The following DPF3 variants were observed in gnomAD, a reference collection of about 807,000 sequenced individuals.
DPF3 encodes zinc finger protein DPF3.
DPF3 carries 18 observed loss-of-function variants against 56.8 expected under a neutral mutation model. The ratio of observed to expected loss-of-function variants is 0.32; its 90% CI spans 0.22 to 0.47. The LOEUF (loss-of-function observed/expected upper bound fraction) is 0.47. Ranked by LOEUF, DPF3 falls within the 20% of genes least tolerant of loss-of-function variation. The probability of loss-of-function intolerance (pLI) is 1.00; values close to 1 mark genes in which losing one functional copy is unlikely to be tolerated. For synonymous variants in DPF3, 188 were observed against 180.2 expected, an observed-to-expected ratio of 1.04 and a Z score of -0.35; for missense variants, 403 against 488.8, an observed-to-expected ratio of 0.82 and a Z score of 1.65.
chr14:72,790,479 C>A (rs1044316533), intron 1 of DPF3, among the ~76,000 whole-genome samples: 1 of 152,134 alleles, frequency 6.6e-6, no homozygotes, highest in Non-Finnish European at 1.5e-5. Flanking sequence ...TTATTTTATG[C>A]AAACTCATCT....
intron 3 of DPF3, among the ~76,000 whole-genome samples, chr14:72,739,477 T>C (rs190711505): frequency 4.7e-4 from 71 of 152,312 alleles, no homozygotes; most frequent in Non-Finnish European, 8.8e-4. Flanking sequence ...AGCTCCCTTC[T>C]TTCCACCTCC....
Position 72,751,107 on chromosome 14 carries a change from C to T in DPF3, c.301+2157G>A, listed in dbSNP as rs145132974. ...TGAGGAGGCCAAGGTGGAAGGAGTG[C>T]TTGAGCTCAGGAGTTGGAGGCTATA... is the stretch of plus-strand genomic sequence containing the variant. On this transcript the variant is annotated intron_variant, in intron 3 of 10. Transcript: ENST00000556509. Among the ~76,000 whole-genome samples the T allele has an allele frequency of 2.9e-3, 442 of 152,206 alleles. 1 individual carries two copies. The highest frequency in any genetic ancestry group is 4.6e-3 in the Admixed American group (70 of 15,286).
intron 1 of DPF3, among the ~76,000 whole-genome samples, chr14:72,824,551 C>CTTTTTTTTTTTTTTTTTTTTTTTTT (rs375498304): frequency 7.0e-6 from 1 of 143,256 alleles, no homozygotes; most frequent in African/African-American, 2.6e-5. Context: ...TTTTCTTTTT[C>CTTTTTTTTTTTTTTTTTTTTTTTTT]TTTTTTTTTT....
At chr14:72,743,125 A>G (rs942644646) in intron 3 of DPF3, among the ~76,000 whole-genome samples, 3 of 152,164 alleles carry the variant, frequency 2.0e-5, no homozygotes, top group African/African-American at 7.2e-5. Context: ...AAACAGAAAA[A>G]ATACAAGAGA....
At chr14:72,744,461 A>T (rs1890248639) in intron 3 of DPF3, among the ~76,000 whole-genome samples, 1 of 151,988 alleles carries the variant, frequency 6.6e-6, no homozygotes, top group Non-Finnish European at 1.5e-5. Flanking sequence ...TTTTGTAGAG[A>T]CAGGTTCTTG....
At position 72,630,806 on chromosome 14, in the gene DPF3, A is replaced by G. The variant is rs1037331496; in HGVS notation, c.872-1070T>C. ...GCACTCACCGTTCTCCAGAGCTTCC[A>G]GTTCTGCCAAACCCATTATATGGTG... On this transcript the variant is annotated intron_variant, in intron 8 of 10. Coordinates refer to ENST00000556509, the MANE Select transcript of DPF3 (RefSeq NM_001280542.3). Among the ~76,000 whole-genome samples, 3 of 152,252 alleles carry G rather than the reference A, an allele frequency of 2.0e-5. No individual in the cohort carries two copies. The South Asian group carries it at 6.2e-4, about 32-fold the overall frequency.
chr14:72,833,368 G>T (rs1884143004), intron 1 of DPF3, among the ~76,000 whole-genome samples: 1 of 152,226 alleles, frequency 6.6e-6, no homozygotes, highest in Non-Finnish European at 1.5e-5. Flanking sequence ...AGGCTTGGCA[G>T]AGGAACGTGG....
chr14:72,838,905 A>ATATATATATATATATATATTTTTT, intron 1 of DPF3, among the ~76,000 whole-genome samples: 4 of 64,502 alleles, frequency 6.2e-5, no homozygotes, highest in Non-Finnish European at 1.1e-4. Flanking sequence ...TATCATATAT[A>ATATATATATATATATATATTTTTT]TTCTTTTTTT....
chr14:72,881,950 G>C lies in DPF3; in HGVS notation c.32+12107C>G, dbSNP rs187691996. On this transcript the variant is annotated intron_variant, in intron 1 of 10. Transcript: ENST00000556509. ...AAAATGATGAGCTGGGTAAGTGAAG[G>C]GGGGGAAGATAAGGATGAAGAGGTA... Among the ~76,000 whole-genome samples the C allele has an allele frequency of 6.4e-4, 79 of 122,758 alleles. 1 individual carries two copies. The highest frequency in any genetic ancestry group is 1.2e-3 in the Non-Finnish European group (64 of 55,010). 80.5% of individuals were successfully genotyped at this position (122,758 alleles called of 152,430 possible). A position where few individuals can be genotyped will look rare whatever the true frequency, so the allele number is the denominator to read the frequency against.
chr14:72,823,945 T>A (rs1291839455), intron 1 of DPF3, among the ~76,000 whole-genome samples: 1 of 152,032 alleles, frequency 6.6e-6, no homozygotes, highest in Non-Finnish European at 1.5e-5. Context: ...GAAGAGTGGA[T>A]GCATTTGGAC....
chr14:72,689,866 A>G (rs922127219), intron 7 of DPF3, among the ~76,000 whole-genome samples: 1 of 152,150 alleles, frequency 6.6e-6, no homozygotes, highest in Non-Finnish European at 1.5e-5. Context: ...TACCCTCCCC[A>G]CTAGCAAAAC....
chr14:72,652,234 C>T (rs760193465), intron 8 of DPF3, among the ~76,000 whole-genome samples: 55 of 152,176 alleles, frequency 3.6e-4, no homozygotes, highest in Non-Finnish European at 5.9e-4. Context: ...AAAGTCTTTC[C>T]CAGTGAGCCC....
At chr14:72,892,847 C>A (rs1886808367) in intron 1 of DPF3, among the ~76,000 whole-genome samples, 1 of 152,188 alleles carries the variant, frequency 6.6e-6, no homozygotes, top group African/African-American at 2.4e-5. Context: ...CCGACATCAC[C>A]CAATAGCACC....
chr14:72,803,244 A>G (rs1334988337), intron 1 of DPF3, among the ~76,000 whole-genome samples: 2 of 152,164 alleles, frequency 1.3e-5, no homozygotes, highest in African/African-American at 2.4e-5. Flanking sequence ...CCTCTCTCTC[A>G]GGGTGAAGTG....
intron 1 of DPF3, among the ~76,000 whole-genome samples, chr14:72,846,493 G>A (rs1334743865): frequency 2.0e-5 from 3 of 151,822 alleles, no homozygotes; most frequent in Non-Finnish European, 4.4e-5. Context: ...CCGCCACCAC[G>A]CCCGGCTAAT....
intron 2 of DPF3, among the ~76,000 whole-genome samples, chr14:72,758,214 TA>T (rs1890918053): frequency 6.6e-6 from 1 of 152,104 alleles, no homozygotes; most frequent in African/African-American, 2.4e-5. Context: ...AGCTCCCACC[TA>T]AAACCAAAAG....
chr14:72,674,139 T>C (rs561721264), intron 8 of DPF3, 101 bp downstream of exon 8: 4 of 1,429,504 alleles, frequency 2.8e-6, no homozygotes, highest in Non-Finnish European at 3.7e-6. Context: ...ATTGCCACCA[T>C]CGCTTCCCTC....
chr14:72,713,801 C>T (rs539186143), intron 6 of DPF3, among the ~76,000 whole-genome samples: 2 of 152,196 alleles, frequency 1.3e-5, no homozygotes, highest in Admixed American at 6.5e-5. Context: ...ACTCCCCTCC[C>T]GTGGGCTCCC....
intron 2 of DPF3, among the ~76,000 whole-genome samples, chr14:72,771,005 G>A (rs1457568258): frequency 3.3e-5 from 5 of 151,728 alleles, no homozygotes; most frequent in Admixed American, 6.6e-5. Context: ...GTGAAACCCC[G>A]TCTCTACTAA....
Sources: gnomAD v4.1 joint callset for allele counts (sites outside exome capture counted in the v4.1 genomes callset) on GRCh38, gnomAD v4.1.1 for gene constraint, MANE v1.5 for transcripts, NCBI Gene and HGNC (gene_info 2026-07-23, HGNC 2026-07-21) for gene names.